The following PCDH11X variants were observed in gnomAD, a reference collection of about 807,000 sequenced individuals.
PCDH11X encodes the protein protocadherin-11 X-linked.
A neutral mutation model predicts 53.3 loss-of-function variants in PCDH11X; 18 were observed. That is an observed-to-expected ratio of 0.34 (90% confidence interval 0.23 to 0.50). The LOEUF (loss-of-function observed/expected upper bound fraction) is 0.50, where lower values mean the gene tolerates loss of function less well. Ranked by LOEUF, PCDH11X falls within the 20% of genes least tolerant of loss-of-function variation. The pLI, the probability that PCDH11X is intolerant of heterozygous loss-of-function variation, is 0.98. For missense variants in PCDH11X, 570 were observed against 1,032.4 expected, an observed-to-expected ratio of 0.55 and a Z score of 6.14; for synonymous variants, 279 against 393.3, an observed-to-expected ratio of 0.71 and a Z score of 3.44.
chrX:92,452,928 G>A (rs2072830233), intron 9 of PCDH11X, among the ~76,000 whole-genome samples: 1 of 73,481 alleles, frequency 1.4e-5, no homozygotes, highest in Admixed American at 1.3e-4. Flanking sequence ...TATTTTACCC[G>A]CATATTTTAG....
chrX:92,076,300 A>G (rs1306816396), intron 6 of PCDH11X, among the ~76,000 whole-genome samples: 1 of 105,375 alleles, frequency 9.5e-6, no homozygotes, highest in Non-Finnish European at 1.9e-5. Flanking sequence ...AGAGAAAACC[A>G]ATGAGAGACC....
chrX:91,782,103 G>A (rs1332244800), intron 1 of PCDH11X, among the ~76,000 whole-genome samples: 2 of 111,264 alleles, frequency 1.8e-5, no homozygotes, highest in Non-Finnish European at 3.8e-5. Context: ...AGCACGAGCA[G>A]CCCTGCCCCG....
intron 8 of PCDH11X, among the ~76,000 whole-genome samples, chrX:92,274,174 T>C (rs914521147): frequency 1.7e-4 from 19 of 108,810 alleles, no homozygotes; most frequent in African/African-American, 5.7e-4. Flanking sequence ...TGGCTGTACC[T>C]TGTAGCATTC....
chrX:91,866,038 A>T (rs1278919886), intron 5 of PCDH11X, among the ~76,000 whole-genome samples: 22 of 109,504 alleles, frequency 2.0e-4, no homozygotes, highest in Non-Finnish European at 3.8e-4. Context: ...TAGAAATGTC[A>T]TCTGGGAGCT....
chrX:92,482,298 C>T (rs1237579009), intron 10 of PCDH11X, among the ~76,000 whole-genome samples: 4 of 110,372 alleles, frequency 3.6e-5, no homozygotes, highest in African/African-American at 1.3e-4. Flanking sequence ...CTAGATTGAA[C>T]TTTTATTGGC....
intron 6 of PCDH11X, among the ~76,000 whole-genome samples, chrX:91,949,270 G>A (rs1158273526): frequency 1.8e-5 from 2 of 108,972 alleles, no homozygotes; most frequent in African/African-American, 6.7e-5. Flanking sequence ...AGCTTAACAA[G>A]TACAGGACAA....
intron 6 of PCDH11X, among the ~76,000 whole-genome samples, chrX:92,159,077 C>A (rs2065591159): frequency 8.9e-6 from 1 of 112,021 alleles, no homozygotes; most frequent in Middle Eastern, 4.7e-3. Context: ...TAGCTACTAT[C>A]AAATTGGCAT....
intron 6 of PCDH11X, among the ~76,000 whole-genome samples, chrX:92,091,214 C>A (rs1383150827): frequency 9.0e-6 from 1 of 111,082 alleles, no homozygotes; most frequent in Non-Finnish European, 1.9e-5. Context: ...TAGAAGACTG[C>A]AGAGTTATGT....
chrX:92,323,550 C>T (rs1376982337), intron 8 of PCDH11X, among the ~76,000 whole-genome samples: 2 of 110,118 alleles, frequency 1.8e-5, no homozygotes, highest in Non-Finnish European at 3.8e-5. Context: ...CAGATACTGG[C>T]TTTCTTTTTT....
intron 9 of PCDH11X, among the ~76,000 whole-genome samples, chrX:92,395,210 T>C: frequency 9.0e-6 from 1 of 111,633 alleles, no homozygotes; most frequent in African/African-American, 3.2e-5. Context: ...ATAGTGTATA[T>C]GAAATAAGCC....
At chrX:92,403,861 C>T (rs1426123737) in intron 9 of PCDH11X, among the ~76,000 whole-genome samples, 1 of 110,799 alleles carries the variant, frequency 9.0e-6, no homozygotes, top group Non-Finnish European at 1.9e-5. Flanking sequence ...AAAAATTTTC[C>T]TAGTTTGGAT....
intron 6 of PCDH11X, among the ~76,000 whole-genome samples, chrX:92,118,137 C>T (rs142494781): frequency 0.013 from 1,453 of 111,273 alleles, 18 homozygotes; most frequent in African/African-American, 0.044. Flanking sequence ...TTTTCTTGAG[C>T]CACAGATTAC....
chrX:92,568,687 C>T (rs1332563597), intron 10 of PCDH11X, among the ~76,000 whole-genome samples: 1 of 109,820 alleles, frequency 9.1e-6, no homozygotes, highest in Non-Finnish European at 1.9e-5. Context: ...TTATTCACTG[C>T]CAGCATCACT....
chrX:92,542,277 A>G (rs1033618182), intron 10 of PCDH11X, among the ~76,000 whole-genome samples: 16 of 111,471 alleles, frequency 1.4e-4, no homozygotes, highest in African/African-American at 5.2e-4. Flanking sequence ...CTCATTAAAT[A>G]TCACTTTTGC....
chrX:91,896,190 T>A (rs941224762), intron 6 of PCDH11X, among the ~76,000 whole-genome samples: 1 of 109,877 alleles, frequency 9.1e-6, no homozygotes, highest in African/African-American at 3.3e-5. Context: ...AGTGGTGCAA[T>A]CTCGGCTCAC....
At chrX:91,783,958 G>C (rs1001369411) in intron 1 of PCDH11X, among the ~76,000 whole-genome samples, 27 of 111,918 alleles carry the variant, frequency 2.4e-4, no homozygotes, top group Middle Eastern at 4.6e-3. Context: ...GTTCATAAAG[G>C]AGAGAGAGGT....
chrX:92,515,588 A>AT (rs1177379998), intron 10 of PCDH11X: 1 of 122,666 alleles, frequency 8.2e-6, no homozygotes, highest in African/African-American at 3.2e-5. Context: ...CCGCTAACGC[A>AT]TTACCAGTCG....
intron 6 of PCDH11X, among the ~76,000 whole-genome samples, chrX:92,046,179 A>C (rs1309443286): frequency 9.0e-6 from 1 of 111,413 alleles, no homozygotes; most frequent in African/African-American, 3.3e-5. Flanking sequence ...TTTATGACGC[A>C]TAAATTGGCA....
In PCDH11X at chrX:91,972,783, G is replaced by A. The variant is rs2061983269; in HGVS notation, c.3033+93510G>A. On this transcript the variant is annotated intron_variant, in intron 6 of 10. Coordinates refer to ENST00000682573, the MANE Select transcript of PCDH11X (RefSeq NM_032968.5). ...TAGATATGCGGCGTTATTTCTGAGG[G>A]CTCTGTTCTGTTCCATTGATCTATG... is the stretch of plus-strand genomic sequence containing the variant. Among the ~76,000 whole-genome samples the A allele has an allele frequency of 3.6e-5, 4 of 110,365 alleles. No homozygotes were observed. In the South Asian group the frequency reaches 1.6e-3, roughly 44 times the overall value.
Sources: allele counts gnomAD v4.1 joint callset (sites outside exome capture counted in the v4.1 genomes callset), GRCh38; gene constraint gnomAD v4.1.1; transcripts MANE v1.5; gene names NCBI Gene and HGNC (gene_info 2026-07-23, HGNC 2026-07-21).